The following SAMD3 variants were observed in gnomAD, a reference collection of about 807,000 sequenced individuals.
SAMD3 encodes the protein sterile alpha motif domain-containing protein 3.
In SAMD3, 63 loss-of-function variants were observed where a neutral mutation model predicts 58.5. The ratio of observed to expected loss-of-function variants is 1.08; its 90% CI spans 0.88 to 1.33. SAMD3 has a LOEUF of 1.33. Among genes scored for constraint, SAMD3 ranks in the 40% most tolerant of loss-of-function variants. SAMD3 has a pLI of 0.00. For synonymous variants in SAMD3, 220 were observed against 210.3 expected, an observed-to-expected ratio of 1.05 and a Z score of -0.40; for missense variants, 604 against 608.4, an observed-to-expected ratio of 0.99 and a Z score of 0.08.
chr6:130,227,433 G>C (rs967716179), upstream of SAMD3, among the ~76,000 whole-genome samples: 1 of 152,124 alleles, frequency 6.6e-6, no homozygotes, highest in African/African-American at 2.4e-5. Context: ...ACGAACACAG[G>C]GGTGTGCAAA....
intron 1 of SAMD3, among the ~76,000 whole-genome samples, chr6:130,344,070 C>T (rs904294305): frequency 2.0e-5 from 3 of 152,124 alleles, no homozygotes; most frequent in Non-Finnish European, 4.4e-5. Flanking sequence ...CCTTCAGGGA[C>T]AAAAGCTTTT....
chr6:130,264,350 A>T (rs1179173603), intron 2 of SAMD3, among the ~76,000 whole-genome samples: 1 of 152,202 alleles, frequency 6.6e-6, no homozygotes, highest in Admixed American at 6.5e-5. Flanking sequence ...AGGAAATAGC[A>T]TTCCTTGGAG....
chr6:130,332,430 C>G (rs1287954944), intron 1 of SAMD3, among the ~76,000 whole-genome samples: 1 of 152,098 alleles, frequency 6.6e-6, no homozygotes, highest in Non-Finnish European at 1.5e-5. Context: ...AGAAAGTGTC[C>G]TGGTCAGTCC....
intron 2 of SAMD3, among the ~76,000 whole-genome samples, chr6:130,289,311 T>C (rs543146334): frequency 1.3e-5 from 2 of 152,326 alleles, no homozygotes; most frequent in South Asian, 2.1e-4. Context: ...CAAATGAAGA[T>C]GTGGCTTTTC....
At chr6:130,160,405 T>A (rs1212260949) in intron 8 of SAMD3, 1 of 152,236 alleles carries the variant, frequency 6.6e-6, no homozygotes, top group Non-Finnish European at 1.5e-5. Flanking sequence ...CATATCATTT[T>A]GTAAACCTTA....
intron 2 of SAMD3, chr6:130,215,498 C>A: frequency 7.5e-7 from 1 of 1,336,168 alleles, no homozygotes; most frequent in Non-Finnish European, 9.5e-7. Flanking sequence ...TGATTTAAAC[C>A]TATTTCCTAG....
chr6:130,180,773 C>T (rs2114690097), intron 7 of SAMD3, among the ~76,000 whole-genome samples: 1 of 152,104 alleles, frequency 6.6e-6, no homozygotes, highest in Non-Finnish European at 1.5e-5. Flanking sequence ...AGGGATGCTA[C>T]TAAATATACT....
intron 4 of SAMD3, 96 bp from the exon 5 acceptor site, chr6:130,209,704 T>A: frequency 1.4e-6 from 1 of 710,868 alleles, no homozygotes; most frequent in Non-Finnish European, 2.4e-6. Context: ...AGAGTAAACA[T>A]CATGGTCTGT....
rs562925426 is a variant in SAMD3, at chr6:130,305,813, AT to A, written c.-188+7164del. On this transcript the variant is annotated intron_variant, in intron 2 of 13. Coordinates refer to the SAMD3 transcript ENST00000368134. The stretch of plus-strand genomic sequence containing the variant: ...ATGTGCTAATATTGCTAATGCTAAT[AT>A]TTTGTTTAGGACTTGTCCTAGTCTG... Among the ~76,000 whole-genome samples, 331 of 152,366 alleles carry A rather than the reference AT, an allele frequency of 2.2e-3. 3 individuals carry two copies. The highest frequency in any genetic ancestry group is 7.6e-3 in the African/African-American group (316 of 41,590).
At chr6:130,334,376 C>T (rs1038285163) in intron 1 of SAMD3, among the ~76,000 whole-genome samples, 4 of 150,172 alleles carry the variant, frequency 2.7e-5, no homozygotes, top group African/African-American at 5.0e-5. Flanking sequence ...GTGGTCCTCA[C>T]GGCATTGGGT....
chr6:130,175,988 G>C lies in SAMD3; in HGVS notation c.675C>G (p.Leu225=). The C allele has an allele frequency of 6.2e-7, 1 of 1,612,776 alleles. No homozygotes were observed. Among genetic ancestry groups the C allele is most frequent in the Non-Finnish European group, 8.5e-7 (1 of 1,179,546 alleles). The change falls in exon 8 of 12, where the codon CTC becomes CTG. Residue 225 remains leucine (L), a synonymous_variant. Transcript: ENST00000439090. ...GCGFFLWKRA[L]KDRFKYVRRP... ...TTCGAACATATTTAAAGCGATCTTTGAGGGCTCGTTTCCATAAAAACTGTA... is the reference window on the plus strand; with the variant it reads ...TTCGAACATATTTAAAGCGATCTTTCAGGGCTCGTTTCCATAAAAACTGTA...
intron 5 of SAMD3, among the ~76,000 whole-genome samples, chr6:130,189,120 C>CAAAA (rs1562419561): frequency 1.4e-5 from 2 of 144,490 alleles, no homozygotes. Flanking sequence ...AAAAAAAAAC[C>CAAAA]AAAAAACAAA....
intron 2 of SAMD3, among the ~76,000 whole-genome samples, chr6:130,296,114 T>C (rs1775562246): frequency 6.6e-6 from 1 of 152,114 alleles, no homozygotes; most frequent in Admixed American, 6.6e-5. Flanking sequence ...TGGGGGACCA[T>C]GTTGGTGGAT....
chr6:130,175,697 A>C (rs1582797787), intron 8 of SAMD3, 144 bp downstream of exon 8: 1 of 507,812 alleles, frequency 2.0e-6, no homozygotes, highest in East Asian at 3.1e-5. Context: ...CAGGCAAAAC[A>C]GACTTTCTTG....
At chr6:130,196,735 C>T (rs1264896907) in intron 5 of SAMD3, among the ~76,000 whole-genome samples, 2 of 152,200 alleles carry the variant, frequency 1.3e-5, no homozygotes, top group Non-Finnish European at 2.9e-5. Flanking sequence ...TTGCCCCCAC[C>T]CAGGACTGGC....
In SAMD3 at chr6:130,146,148, C is replaced by A. The variant is rs1389421248; in HGVS notation, c.1057G>T (p.Asp353Tyr). The A allele has an allele frequency of 6.3e-7, 1 of 1,593,380 alleles. No homozygotes were observed. The highest frequency in any genetic ancestry group is 1.2e-5 in the South Asian group (1 of 86,730). Residue 353 changes from aspartate (D) to tyrosine (Y), a missense_variant, in exon 10 of 12, where the codon GAT becomes TAT. Physicochemically the swap from Asp to Tyr is radical, Grantham distance 160. Transcript: ENST00000439090. ...ATGTGCCTTGTTTTCTTATAAATAT[C>A]TGTTCTTGTAAGAAGTTGGAATTCT... ...FREFQLLTRT[D>Y]IYKKTRHILE...
intron 8 of SAMD3, among the ~76,000 whole-genome samples, chr6:130,175,536 T>C (rs1248473441): frequency 1.3e-5 from 2 of 152,092 alleles, no homozygotes; most frequent in African/African-American, 2.4e-5. Context: ...ATAAGACGCA[T>C]TGTAGGATAA....
intron 1 of SAMD3, among the ~76,000 whole-genome samples, chr6:130,348,144 C>G (rs904179346): frequency 6.6e-6 from 1 of 152,070 alleles, no homozygotes; most frequent in South Asian, 2.1e-4. Flanking sequence ...TAAAGAACAT[C>G]GAGGCTAGGA....
At chr6:130,273,091 C>T (rs960652667) in intron 2 of SAMD3, among the ~76,000 whole-genome samples, 9 of 151,718 alleles carry the variant, frequency 5.9e-5, no homozygotes, top group African/African-American at 1.2e-4. Flanking sequence ...ATTTCTCTGA[C>T]ACTGGCTCTG....
Sources: allele counts gnomAD v4.1 joint callset (sites outside exome capture counted in the v4.1 genomes callset), GRCh38; gene constraint gnomAD v4.1.1; transcripts MANE v1.5; gene names NCBI Gene and HGNC (gene_info 2026-07-23, HGNC 2026-07-21).